The following IL1RL2 variants were observed in gnomAD, a reference collection of about 807,000 sequenced individuals.
The protein encoded by IL1RL2 is interleukin-1 receptor-like 2.
A neutral mutation model predicts 66.8 loss-of-function variants in IL1RL2; 68 were observed. The observed-to-expected ratio is 1.02, with a 90% CI of 0.84 to 1.25. The LOEUF (loss-of-function observed/expected upper bound fraction) is 1.25. Ranked by LOEUF, IL1RL2 falls within the 50% of genes most tolerant of loss-of-function variation. The pLI is 0.00. For synonymous variants in IL1RL2, 305 were observed against 264.6 expected, an observed-to-expected ratio of 1.15 and a Z score of -1.48; for missense variants, 729 against 709.3, an observed-to-expected ratio of 1.03 and a Z score of -0.32.
At chr2:102,225,353 C>T (rs1320990946) in intron 8 of IL1RL2, among the ~76,000 whole-genome samples, 3 of 152,250 alleles carry the variant, frequency 2.0e-5, no homozygotes, top group Non-Finnish European at 4.4e-5. Context: ...GAGAGTTTGG[C>T]TCTTGGCCTG....
chr2:102,224,915 A>G (rs564998330), intron 8 of IL1RL2, among the ~76,000 whole-genome samples: 1 of 152,108 alleles, frequency 6.6e-6, no homozygotes, highest in Non-Finnish European at 1.5e-5. Context: ...AGAAAAAAAA[A>G]CCCTCTTCCT....
intron 8 of IL1RL2, among the ~76,000 whole-genome samples, chr2:102,222,638 G>A (rs1036872843): frequency 2.6e-5 from 4 of 152,192 alleles, no homozygotes; most frequent in Non-Finnish European, 5.9e-5. Context: ...ATATTGTGAT[G>A]AAGTAGGTGA....
At chr2:102,201,340 C>T (rs1688235395) in intron 4 of IL1RL2, among the ~76,000 whole-genome samples, 1 of 152,144 alleles carries the variant, frequency 6.6e-6, no homozygotes, top group Non-Finnish European at 1.5e-5. Context: ...TATATGTACA[C>T]ACACACACAT....
At position 102,189,090 on chromosome 2, in the gene IL1RL2, A is replaced by AT; in HGVS notation, c.78dup (p.Met27TyrfsTer4). 6.2e-7 allele frequency: 1 copy of AT among 1,613,710 alleles called. No homozygotes were observed. On this transcript the variant is annotated frameshift_variant, in exon 3 of 12. Transcript: ENST00000264257. LOFTEE classifies it high-confidence loss of function. ...TCTTTCCCTAGATGGATGCAAGGACATTTTTATGAAAAATGAGATACTTTC... is the reference window on the plus strand; with the variant it reads ...TCTTTCCCTAGATGGATGCAAGGACATTTTTTATGAAAAATGAGATACTTTC...
At chr2:102,238,129 T>C (rs996727670) in intron 11 of IL1RL2, among the ~76,000 whole-genome samples, 1 of 152,154 alleles carries the variant, frequency 6.6e-6, no homozygotes, top group Admixed American at 6.5e-5. Flanking sequence ...GAGACCCCCC[T>C]GGGAATCCCC....
chr2:102,209,357 C>T (rs548984691), intron 5 of IL1RL2, among the ~76,000 whole-genome samples: 100 of 152,170 alleles, frequency 6.6e-4, no homozygotes, highest in African/African-American at 2.3e-3. Flanking sequence ...AAGAAGGGTC[C>T]GTGGGTGGCA....
chr2:102,189,758 T>C (rs779241516), intron 3 of IL1RL2, among the ~76,000 whole-genome samples: 24 of 152,168 alleles, frequency 1.6e-4, no homozygotes, highest in Non-Finnish European at 2.9e-4. Flanking sequence ...GCTGGGATTA[T>C]AGGCGCTTGG....
In IL1RL2 at chr2:102,187,904, C is replaced by T; in HGVS notation, c.37C>T (p.Leu13Phe). 1 of 1,614,184 alleles carries T rather than the reference C, an allele frequency of 6.2e-7. No homozygotes were observed. The highest frequency in any genetic ancestry group is 1.3e-5 in the African/African-American group (1 of 75,056). Residue 13 changes from leucine (L) to phenylalanine (F), a missense_variant, in exon 2 of 12, where the codon CTT (leucine) becomes TTT (phenylalanine). Physicochemically the swap from Leu to Phe is conservative, Grantham distance 22. Transcript: ENST00000264257. ...GCTGCTCTGCGGGTTGTCCATCGCC[C>T]TTCCACTGTCTGTCACAGCAGGTAC... ...SLLLCGLSIA[L>F]PLSVTADGCK... is the part of the protein sequence containing the mutation.
At chr2:102,235,535 AG>A in intron 11 of IL1RL2, 1 of 985,422 alleles carries the variant, frequency 1.0e-6, no homozygotes, top group Non-Finnish European at 1.2e-6. Flanking sequence ...CCACTCACTG[AG>A]GCCTGGATGG....
intron 6 of IL1RL2, among the ~76,000 whole-genome samples, chr2:102,212,924 G>A (rs1168212894): frequency 1.3e-5 from 2 of 152,194 alleles, no homozygotes; most frequent in East Asian, 1.9e-4. Context: ...AGCCGAGATC[G>A]CGCCACTGCA....
intron 4 of IL1RL2, among the ~76,000 whole-genome samples, chr2:102,197,946 G>A (rs1687923998): frequency 2.0e-5 from 3 of 152,184 alleles, no homozygotes; most frequent in Admixed American, 1.3e-4. Flanking sequence ...CTGCAGTGTG[G>A]TTCTGGCCTC....
intron 6 of IL1RL2, among the ~76,000 whole-genome samples, chr2:102,215,547 C>A (rs1343191211): frequency 6.6e-6 from 1 of 152,086 alleles, no homozygotes; most frequent in Non-Finnish European, 1.5e-5. Context: ...CCCTCATACC[C>A]ATGAGGGTGT....
intron 9 of IL1RL2, among the ~76,000 whole-genome samples, chr2:102,228,100 C>A (rs1690794844): frequency 6.6e-6 from 1 of 152,072 alleles, no homozygotes; most frequent in African/African-American, 2.4e-5. Flanking sequence ...GCCAGGGGTC[C>A]TTTTTTTCTT....
intron 4 of IL1RL2, 62 bp from the exon 5 acceptor site, chr2:102,201,494 A>G (rs2302623): frequency 3.4e-6 from 5 of 1,490,568 alleles, no homozygotes; most frequent in Non-Finnish European, 4.7e-6. Context: ...TTACCTAAAT[A>G]CTAGGGATCA....
In IL1RL2 at chr2:102,195,613, CTT is replaced by C. The variant is rs1197078898; in HGVS notation, c.489+3495_489+3496del. On this transcript the variant is annotated intron_variant, in intron 4 of 11. Transcript: ENST00000264257. ...TCTTTCTTTCTTTCTTTCTTTCTTT[CTT>C]TCTTTCTTTCTTTCTCTCTCTCTCT... Among the ~76,000 whole-genome samples, 31 of 18,546 alleles carry C rather than the reference CTT, an allele frequency of 1.7e-3. 2 individuals carry two copies. Among genetic ancestry groups the C allele is most frequent in the African/African-American group, 2.2e-3 (16 of 7,440 alleles). 12.2% of individuals were successfully genotyped at this position (18,546 alleles called of 152,430 possible). A position where few individuals can be genotyped will look rare whatever the true frequency, so the allele number is the denominator to read the frequency against.
chr2:102,206,836 G>T (rs1688747432), intron 5 of IL1RL2, among the ~76,000 whole-genome samples: 1 of 152,258 alleles, frequency 6.6e-6, no homozygotes, highest in East Asian at 1.9e-4. Flanking sequence ...CACTGGCAAG[G>T]TCTCTCAGGC....
chr2:102,193,387 A>G (rs1435989960), intron 4 of IL1RL2, among the ~76,000 whole-genome samples: 1 of 152,102 alleles, frequency 6.6e-6, no homozygotes, highest in African/African-American at 2.4e-5. Flanking sequence ...ATCAGTTTAT[A>G]CTTTTGCCAG....
In IL1RL2 at chr2:102,201,605, T is replaced by A. The variant is rs1164207594; in HGVS notation, c.539T>A (p.Leu180His). Residue 180 changes from leucine to histidine, a missense_variant, in exon 5 of 12, where the codon CTT becomes CAT. Physicochemically the swap from Leu to His is moderately conservative, Grantham distance 99. Coordinates refer to ENST00000264257, the MANE Select transcript of IL1RL2 (RefSeq NM_003854.4). ...GERFTVLETR[L>H]LVSNVSAEDR... ...CGGTTCACTGTTTTGGAAACCAGGC[T>A]TTTGGTGAGCAATGTCTCGGCAGAG... is the stretch of plus-strand genomic sequence containing the variant. The A allele has an allele frequency of 1.2e-6, 2 of 1,614,090 alleles. No homozygotes were observed. The highest frequency in any genetic ancestry group is 2.2e-5 in the South Asian group (2 of 91,080).
intron 11 of IL1RL2, among the ~76,000 whole-genome samples, chr2:102,236,727 T>C (rs1348414817): frequency 6.6e-6 from 1 of 152,220 alleles, no homozygotes; most frequent in Non-Finnish European, 1.5e-5. Flanking sequence ...AAGCTATGCC[T>C]CCCTATTGCC....
Sources: gnomAD v4.1 joint callset for allele counts (sites outside exome capture counted in the v4.1 genomes callset) on GRCh38, gnomAD v4.1.1 for gene constraint, MANE v1.5 for transcripts, NCBI Gene and HGNC (gene_info 2026-07-23, HGNC 2026-07-21) for gene names.